The following TMEM45A variants were observed in gnomAD, a reference collection of about 807,000 sequenced individuals.
The protein encoded by TMEM45A is transmembrane protein 45A, also known as DNA polymerase-transactivated protein 4.
A neutral mutation model predicts 32.0 loss-of-function variants in TMEM45A; 25 were observed. That is an observed-to-expected ratio of 0.78 (90% CI 0.57 to 1.09). The LOEUF is 1.09. Among genes scored for constraint, TMEM45A ranks in the 50% least tolerant of loss-of-function variants. The pLI is 0.00. For synonymous variants in TMEM45A, 122 were observed against 114.8 expected (o/e 1.06, Z -0.40); for missense variants, 302 against 325.0 (o/e 0.93, Z 0.54).
chr3:100,565,945 G>T (rs770430568), intron 4 of TMEM45A, among the ~76,000 whole-genome samples: 9 of 152,098 alleles, frequency 5.9e-5, no homozygotes, highest in Non-Finnish European at 1.3e-4. Flanking sequence ...TCTCCTCCTA[G>T]CCCCCGGTAC....
At chr3:100,529,648 G>T (rs60511852) in intron 1 of TMEM45A, among the ~76,000 whole-genome samples, 28,820 of 151,982 alleles carry the variant, frequency 0.19, 3,201 homozygotes, top group East Asian at 0.31. Context: ...TTGTGATAGG[G>T]TCTCATTCTG....
chr3:100,504,539 G>A (rs1708054449), intron 1 of TMEM45A, among the ~76,000 whole-genome samples: 1 of 152,090 alleles, frequency 6.6e-6, no homozygotes, highest in African/African-American at 2.4e-5. Context: ...GCTTCCTATT[G>A]CATTTAAAAT....
In TMEM45A at chr3:100,496,971, G is replaced by A. The variant is rs113711843; in HGVS notation, c.-4+4043G>A. On this transcript the variant is annotated intron_variant, in intron 1 of 5. Coordinates refer to ENST00000323523, the MANE Select transcript of TMEM45A (RefSeq NM_018004.3). Reference sequence around the variant, plus strand: ...ATTTCTGGACATGCTGTGGTTTTGGGCTAAGAACTTCTCATGGTGAATATC... The same window carrying A: ...ATTTCTGGACATGCTGTGGTTTTGGACTAAGAACTTCTCATGGTGAATATC... Among the ~76,000 whole-genome samples the A allele has an allele frequency of 1.5e-3, 235 of 152,258 alleles. 4 individuals are homozygous for A. Among genetic ancestry groups the A allele is most frequent in the African/African-American group, 5.4e-3 (225 of 41,534 alleles).
At chr3:100,519,698 C>A in intron 1 of TMEM45A, 1 of 1,303,140 alleles carries the variant, frequency 7.7e-7, no homozygotes, top group Non-Finnish European at 1.1e-6. Flanking sequence ...TTGAACCTGA[C>A]TGTACCGTGT....
intron 1 of TMEM45A, among the ~76,000 whole-genome samples, chr3:100,494,501 A>C (rs1368680799): frequency 6.6e-6 from 1 of 152,110 alleles, no homozygotes; most frequent in African/African-American, 2.4e-5. Flanking sequence ...GCGCACCTGT[A>C]ATCCCAGCTA....
chr3:100,511,653 G>T (rs1480053338), intron 1 of TMEM45A, among the ~76,000 whole-genome samples: 1 of 150,284 alleles, frequency 6.7e-6, no homozygotes, highest in African/African-American at 2.4e-5. Flanking sequence ...TGGACTAAAT[G>T]CTCCAATTAA....
intron 1 of TMEM45A, among the ~76,000 whole-genome samples, chr3:100,550,763 A>G (rs1288162294): frequency 3.3e-5 from 5 of 152,170 alleles, no homozygotes; most frequent in Non-Finnish European, 7.3e-5. Context: ...TAAGGGATAG[A>G]GTTTTAAAAT....
chr3:100,553,386 C>T (rs1353521943), intron 1 of TMEM45A, among the ~76,000 whole-genome samples: 1 of 152,088 alleles, frequency 6.6e-6, no homozygotes. Context: ...ATTTGACATT[C>T]TCCTAGTGCT....
intron 1 of TMEM45A, among the ~76,000 whole-genome samples, chr3:100,551,745 A>T (rs964669479): frequency 3.3e-5 from 5 of 152,238 alleles, no homozygotes; most frequent in Admixed American, 6.5e-5. Flanking sequence ...AACAACCCTT[A>T]TACTTTGACT....
intron 1 of TMEM45A, among the ~76,000 whole-genome samples, chr3:100,499,828 A>G (rs1707986110): frequency 6.6e-6 from 1 of 152,248 alleles, no homozygotes; most frequent in African/African-American, 2.4e-5. Context: ...GTGAGCCGAG[A>G]TTGTGCCACT....
At chr3:100,540,639 A>G (rs1465451413) in intron 1 of TMEM45A, among the ~76,000 whole-genome samples, 3 of 152,204 alleles carry the variant, frequency 2.0e-5, no homozygotes, top group African/African-American at 7.2e-5. Flanking sequence ...GCAGTGTCTT[A>G]CAAAGATAAC....
intron 1 of TMEM45A, among the ~76,000 whole-genome samples, chr3:100,536,452 T>A (rs1263148786): frequency 6.6e-6 from 1 of 152,212 alleles, no homozygotes; most frequent in Non-Finnish European, 1.5e-5. Context: ...AAAGATAAGT[T>A]CCATGAGAAC....
intron 1 of TMEM45A, among the ~76,000 whole-genome samples, chr3:100,498,408 A>G (rs888113558): frequency 6.6e-6 from 1 of 152,188 alleles, no homozygotes; most frequent in African/African-American, 2.4e-5. Flanking sequence ...AAAAAGATTG[A>G]ATTCCACTCA....
intron 1 of TMEM45A, 40 bp from the exon 2 acceptor site, chr3:100,555,169 T>C: frequency 1.3e-6 from 2 of 1,536,640 alleles, no homozygotes; most frequent in Admixed American, 2.0e-5. Flanking sequence ...ATTCTGGCAA[T>C]GAAATGTCTT....
At chr3:100,494,784 A>G (rs1478288201) in intron 1 of TMEM45A, among the ~76,000 whole-genome samples, 1 of 152,164 alleles carries the variant, frequency 6.6e-6, no homozygotes, top group Non-Finnish European at 1.5e-5. Context: ...GGTTCAATTT[A>G]CAGCCCTACA....
chr3:100,539,515 G>GTATACA (rs1705822149), intron 1 of TMEM45A, among the ~76,000 whole-genome samples: 1 of 150,830 alleles, frequency 6.6e-6, no homozygotes, highest in Admixed American at 6.6e-5. Context: ...ATACGTATAC[G>GTATACA]TATATGTGGG....
intron 1 of TMEM45A, among the ~76,000 whole-genome samples, chr3:100,543,629 G>A (rs889182967): frequency 2.0e-5 from 3 of 152,156 alleles, no homozygotes; most frequent in Non-Finnish European, 4.4e-5. Context: ...TGGACAATTA[G>A]TGTTTTGCCT....
intron 1 of TMEM45A, among the ~76,000 whole-genome samples, chr3:100,512,963 T>C (rs959861209): frequency 6.6e-6 from 1 of 151,032 alleles, no homozygotes; most frequent in African/African-American, 2.4e-5. Flanking sequence ...TAACAGGATC[T>C]GAAATTGTGG....
At chr3:100,511,687 TAA>T (rs1394464959) in intron 1 of TMEM45A, among the ~76,000 whole-genome samples, 1 of 150,152 alleles carries the variant, frequency 6.7e-6, no homozygotes, top group African/African-American at 2.4e-5. Context: ...GCAAATTGGA[TAA>T]AGAGTCAAGA....
Sources: allele counts gnomAD v4.1 joint callset (sites outside exome capture counted in the v4.1 genomes callset), GRCh38; gene constraint gnomAD v4.1.1; transcripts MANE v1.5; gene names NCBI Gene and HGNC (gene_info 2026-07-23, HGNC 2026-07-21).